PPP1R12A: variants seen among roughly 807,000 people sequenced by gnomAD.
PPP1R12A encodes protein phosphatase 1 regulatory subunit 12A.
Under a neutral mutation model 139.6 loss-of-function variants are expected in PPP1R12A, and 19 were observed. That is an observed-to-expected ratio of 0.14 (90% CI 0.09 to 0.20). PPP1R12A has a LOEUF of 0.20. Among genes scored for constraint, PPP1R12A ranks in the 10% least tolerant of loss-of-function variants. The pLI is 1.00. For missense variants in PPP1R12A, 925 were observed against 1,211.5 expected (o/e 0.76, Z 3.51); for synonymous variants, 427 against 420.6 (o/e 1.02, Z -0.19).
intron 2 of PPP1R12A, among the ~76,000 whole-genome samples, chr12:79,862,596 A>G (rs1881468004): frequency 6.6e-6 from 1 of 152,260 alleles, no homozygotes; most frequent in African/African-American, 2.4e-5. Context: ...ATGACTAGCT[A>G]GAATAACCAG....
At chr12:79,884,126 T>C (rs548848520) in intron 1 of PPP1R12A, among the ~76,000 whole-genome samples, 39 of 152,204 alleles carry the variant, frequency 2.6e-4, no homozygotes, top group Non-Finnish European at 4.3e-4. Context: ...TAGGGTCTTA[T>C]CTGCCATCTT....
intron 9 of PPP1R12A, among the ~76,000 whole-genome samples, chr12:79,814,346 G>A (rs950330224): frequency 3.3e-5 from 5 of 151,340 alleles, no homozygotes; most frequent in Non-Finnish European, 7.4e-5. Context: ...GTGTGGTGGT[G>A]GATGCCTGTA....
In PPP1R12A at chr12:79,820,931, G is replaced by T. The variant is rs548527863; in HGVS notation, c.957C>A (p.Asn319Lys). The part of the protein sequence containing the change: ...DNNQSQKTFK[N>K]KETLIIEPEK... ...CTGGTTCAATAATCAACGTCTCTTTGCTGTTAAAGGAAAACAGTGTTCAAA... is the reference window on the plus strand; with the variant it reads ...CTGGTTCAATAATCAACGTCTCTTTTCTGTTAAAGGAAAACAGTGTTCAAA... The change falls in exon 8 of 25, where the codon AAC (asparagine) becomes AAA (lysine). Residue 319 changes from asparagine to lysine, a missense_variant and splice_region_variant. This residue lies in a region of PPP1R12A where 403 missense variants were observed against 463.7 expected (regional missense o/e 0.87). Coordinates refer to ENST00000450142, the MANE Select transcript of PPP1R12A (RefSeq NM_002480.3). The T allele has an allele frequency of 8.7e-6, 14 of 1,612,624 alleles. No homozygotes were observed. The highest frequency in any genetic ancestry group is 1.3e-5 in the African/African-American group (1 of 74,800).
At chr12:79,848,258 T>G (rs1879640810) in intron 2 of PPP1R12A, among the ~76,000 whole-genome samples, 1 of 152,242 alleles carries the variant, frequency 6.6e-6, no homozygotes, top group African/African-American at 2.4e-5. Context: ...ATACTACAAA[T>G]AAATAAATGA....
intron 1 of PPP1R12A, among the ~76,000 whole-genome samples, chr12:79,897,702 G>A (rs1001538419): frequency 6.6e-6 from 1 of 152,130 alleles, no homozygotes; most frequent in East Asian, 1.9e-4. Flanking sequence ...AGAGAAGAAC[G>A]TGGTACCACA....
rs370892900 is a variant in PPP1R12A at position 79,796,805 on chromosome 12, C to T, written c.2438G>A (p.Gly813Glu). ...LVGITSAYSR[G>E]ITKENEREGE... The stretch of plus-strand genomic sequence containing the variant: ...ACCTCTTTCATTTTCTTTTGTTATT[C>T]CTCTGGAGTAAGCAGAAGTTATGCC... Residue 813 changes from glycine to glutamate, a missense_variant, in exon 17 of 25, where the codon GGA becomes GAA. By Grantham distance (98) the Gly-to-Glu change is moderately conservative. Around this residue, in one of 4 missense-constraint regions of PPP1R12A, gnomAD observed 315 missense variants for 363.4 expected, o/e 0.87. Transcript: ENST00000450142. 5 of 1,609,448 alleles carry T rather than the reference C, an allele frequency of 3.1e-6. No homozygotes were observed. The highest frequency in any genetic ancestry group is 1.3e-5 in the African/African-American group (1 of 74,572).
At chr12:79,856,774 T>A (rs1053552890) in intron 2 of PPP1R12A, among the ~76,000 whole-genome samples, 1 of 152,244 alleles carries the variant, frequency 6.6e-6, no homozygotes, top group Non-Finnish European at 1.5e-5. Flanking sequence ...TATTCTGGTT[T>A]TGCATATGAC....
chr12:79,865,604 A>G (rs1881872180), intron 2 of PPP1R12A, among the ~76,000 whole-genome samples: 1 of 152,204 alleles, frequency 6.6e-6, no homozygotes, highest in Non-Finnish European at 1.5e-5. Flanking sequence ...TTAAACTGAT[A>G]AGCAACTTCA....
At chr12:79,896,806 A>G (rs886445857) in intron 1 of PPP1R12A, among the ~76,000 whole-genome samples, 1 of 152,242 alleles carries the variant, frequency 6.6e-6, no homozygotes, top group Non-Finnish European at 1.5e-5. Flanking sequence ...AACTCACAGC[A>G]TAAATGCAAT....
intron 1 of PPP1R12A, among the ~76,000 whole-genome samples, chr12:79,916,078 G>C (rs1886971630): frequency 6.6e-6 from 1 of 151,842 alleles, no homozygotes; most frequent in Non-Finnish European, 1.5e-5. Context: ...GTCTCTTCCA[G>C]AACTATCTGT....
At chr12:79,794,722 G>T (rs1181688591) in intron 18 of PPP1R12A, among the ~76,000 whole-genome samples, 2 of 151,546 alleles carry the variant, frequency 1.3e-5, no homozygotes, top group Non-Finnish European at 3.0e-5. Flanking sequence ...AGATGGGTCA[G>T]TTTAACAGGA....
At chr12:79,808,038 A>T (rs1351983483) in intron 11 of PPP1R12A, among the ~76,000 whole-genome samples, 1 of 151,776 alleles carries the variant, frequency 6.6e-6, no homozygotes, top group East Asian at 1.9e-4. Context: ...TCTGTCTCAA[A>T]AAAAATAAAA....
chr12:79,893,136 A>T (rs1884818494), intron 1 of PPP1R12A, among the ~76,000 whole-genome samples: 1 of 151,978 alleles, frequency 6.6e-6, no homozygotes, highest in Non-Finnish European at 1.5e-5. Flanking sequence ...TAACTACAGT[A>T]ATTTAGGACT....
chr12:79,788,612 A>G (rs2136997690), intron 21 of PPP1R12A, 36 bp downstream of exon 21: 1 of 1,528,688 alleles, frequency 6.5e-7, no homozygotes, highest in East Asian at 2.3e-5. Context: ...CATAAAAGAT[A>G]ACTTTTTATT....
At chr12:79,834,409 T>C (rs1330911001) in intron 3 of PPP1R12A, among the ~76,000 whole-genome samples, 1 of 152,114 alleles carries the variant, frequency 6.6e-6, no homozygotes, top group East Asian at 1.9e-4. Flanking sequence ...GGATGAAAAG[T>C]TGAGTAGATA....
intron 3 of PPP1R12A, among the ~76,000 whole-genome samples, chr12:79,838,654 A>T (rs958117484): frequency 2.0e-5 from 3 of 152,208 alleles, no homozygotes; most frequent in African/African-American, 7.2e-5. Flanking sequence ...TGTACAACTC[A>T]GGCCATCGCT....
chr12:79,928,821 C>T (rs1888040407), intron 1 of PPP1R12A, among the ~76,000 whole-genome samples: 1 of 152,190 alleles, frequency 6.6e-6, no homozygotes, highest in Non-Finnish European at 1.5e-5. Flanking sequence ...GAGAGGATCA[C>T]ATATTTTACA....
chr12:79,813,672 A>G (rs1874888290), intron 9 of PPP1R12A, among the ~76,000 whole-genome samples: 1 of 152,238 alleles, frequency 6.6e-6, no homozygotes, highest in South Asian at 2.1e-4. Flanking sequence ...TAACAATTTT[A>G]AGCACAAAAT....
At chr12:79,869,195 G>A (rs541153317) in intron 2 of PPP1R12A, among the ~76,000 whole-genome samples, 1 of 152,308 alleles carries the variant, frequency 6.6e-6, no homozygotes, top group East Asian at 1.9e-4. Flanking sequence ...AGTGTATGAA[G>A]AGCCATCATT....
Sources: gnomAD v4.1 joint callset for allele counts (sites outside exome capture counted in the v4.1 genomes callset) on GRCh38, gnomAD v4.1.1 for gene constraint, gnomAD v4.1.1 regional missense constraint, MANE v1.5 for transcripts, NCBI Gene and HGNC (gene_info 2026-07-23, HGNC 2026-07-21) for gene names.